The following ZSWIM5 variants were observed in gnomAD, a reference collection of about 807,000 sequenced individuals.
ZSWIM5 encodes zinc finger SWIM domain-containing protein 5.
Under a neutral mutation model 119.6 loss-of-function variants are expected in ZSWIM5, and 55 were observed. That is an observed-to-expected ratio of 0.46 (90% confidence interval 0.37 to 0.58). The LOEUF is 0.58. Ranked by LOEUF, ZSWIM5 falls within the 20% of genes least tolerant of loss-of-function variation. The probability of loss-of-function intolerance (pLI) is 0.00; values close to 1 mark genes in which losing one functional copy is unlikely to be tolerated. For synonymous variants in ZSWIM5, 537 were observed against 606.9 expected (o/e 0.88, Z 1.69); for missense variants, 1,193 against 1,512.8 (o/e 0.79, Z 3.51).
At chr1:45,134,320 T>G (rs1449718199) in intron 1 of ZSWIM5, among the ~76,000 whole-genome samples, 2 of 152,130 alleles carry the variant, frequency 1.3e-5, no homozygotes, top group East Asian at 3.8e-4. Flanking sequence ...TTAATATAAA[T>G]AAATAACTTT....
chr1:45,031,384 A>T (rs1334100074), intron 11 of ZSWIM5, among the ~76,000 whole-genome samples: 1 of 150,128 alleles, frequency 6.7e-6, no homozygotes, highest in East Asian at 2.0e-4. Flanking sequence ...GAGTTTTAGC[A>T]TGTTAGCCAG....
rs537427666 is a variant in ZSWIM5, at chr1:45,107,925, T to C, written c.596-19688A>G. 2.6e-5 allele frequency among the ~76,000 whole-genome samples: 4 copies of C among 152,298 alleles called. No individual in the cohort carries two copies. In the East Asian group the frequency reaches 7.7e-4, roughly 29 times the overall value. ...GATCCTCCCATCTTAGCCTCCCAAG[T>C]AGCTGGGACCACAGGCATGCATTAC... is the stretch of plus-strand genomic sequence containing the variant. On this transcript the variant is annotated intron_variant, in intron 1 of 13. Transcript: ENST00000359600.
In ZSWIM5 at chr1:45,043,223, C is replaced by A. The variant is rs1484958274; in HGVS notation, c.1605G>T (p.Trp535Cys). ...LLFNSQGQPL[W>C]LEHVPTACAR... ...TTAGAGGAGGGCTAGACTTACCAAG[C>A]CACAGTGGCTGGCCTTGGGAATTAA... The change falls in exon 6 of 14, where the codon TGG (tryptophan) becomes TGT (cysteine). Residue 535 changes from tryptophan to cysteine, a missense_variant. By Grantham distance (215) the Trp-to-Cys change is radical. This residue lies in a region of ZSWIM5 where 961 missense variants were observed against 1,290.0 expected (regional missense o/e 0.74). Transcript: ENST00000359600. 3 of 1,613,326 alleles carry A rather than the reference C, an allele frequency of 1.9e-6. No homozygotes were observed. Among genetic ancestry groups the A allele is most frequent in the Non-Finnish European group, 2.5e-6 (3 of 1,179,882 alleles).
chr1:45,186,593 T>TTTTA (rs57251068), intron 1 of ZSWIM5, among the ~76,000 whole-genome samples: 21,514 of 150,672 alleles, frequency 0.14, 1,597 homozygotes, highest in Non-Finnish European at 0.15. Flanking sequence ...AACAACTTGG[T>TTTTA]TTTATTTATT....
chr1:45,189,969 A>C (rs897989286), intron 1 of ZSWIM5, among the ~76,000 whole-genome samples: 4 of 152,104 alleles, frequency 2.6e-5, no homozygotes, highest in Non-Finnish European at 5.9e-5. Context: ...AAATGAACAA[A>C]CGCAGTGGGC....
chr1:45,116,504 G>A (rs1645559018), intron 1 of ZSWIM5, among the ~76,000 whole-genome samples: 1 of 152,070 alleles, frequency 6.6e-6, no homozygotes, highest in Non-Finnish European at 1.5e-5. Context: ...AGTATAGATA[G>A]CAGACTGTGA....
At position 45,019,684 on chromosome 1, in the gene ZSWIM5, G is replaced by C. The variant is rs1417810562; in HGVS notation, c.2696-368C>G. ...GTAGAGTCTTGTGCTGGGGCTTTGG[G>C]CTTTAGAAAGGGTCCTGAGCCTCTA... On this transcript the variant is annotated intron_variant, in intron 13 of 13. Transcript: ENST00000359600. This position sits in a 1 kb window ranked among gnomAD's most constrained non-coding sequence, Gnocchi z 5.0. Among the ~76,000 whole-genome samples the C allele has an allele frequency of 6.6e-6, 1 of 152,180 alleles. No homozygotes were observed. Among genetic ancestry groups the C allele is most frequent in the East Asian group, 1.9e-4 (1 of 5,192 alleles).
intron 2 of ZSWIM5, among the ~76,000 whole-genome samples, chr1:45,081,482 C>T (rs1422627990): frequency 2.6e-5 from 4 of 152,236 alleles, no homozygotes; most frequent in Non-Finnish European, 2.9e-5. Context: ...GACTGGTTTT[C>T]GTATTTTTTT....
chr1:45,182,888 C>T (rs1217198713), intron 1 of ZSWIM5, among the ~76,000 whole-genome samples: 1 of 151,828 alleles, frequency 6.6e-6, no homozygotes, highest in East Asian at 1.9e-4. Context: ...CAGCTCTGCA[C>T]CAAGCAGACC....
intron 1 of ZSWIM5, among the ~76,000 whole-genome samples, chr1:45,107,863 C>T (rs1645491606): frequency 6.6e-6 from 1 of 152,084 alleles, no homozygotes; most frequent in East Asian, 1.9e-4. Context: ...ACAATCACAG[C>T]TTACTGCAGC....
intron 1 of ZSWIM5, among the ~76,000 whole-genome samples, chr1:45,099,113 G>GGA (rs895126157): frequency 1.3e-5 from 2 of 152,078 alleles, no homozygotes; most frequent in Admixed American, 6.5e-5. Context: ...TCCAGCAGCT[G>GGA]GTTTTTTGAA....
At chr1:45,044,520 G>A (rs113199135) in intron 5 of ZSWIM5, among the ~76,000 whole-genome samples, 15 of 149,164 alleles carry the variant, frequency 1.0e-4, no homozygotes, top group African/African-American at 3.7e-4. Context: ...TCAGGAGATC[G>A]AGACCATCCT....
At chr1:45,105,676 C>A (rs1397134271) in intron 1 of ZSWIM5, among the ~76,000 whole-genome samples, 1 of 147,482 alleles carries the variant, frequency 6.8e-6, no homozygotes, top group African/African-American at 2.5e-5. Flanking sequence ...CCCAGCTGCC[C>A]CGAATGGGAA....
At chr1:45,030,514 T>G (rs755599387) in intron 11 of ZSWIM5, among the ~76,000 whole-genome samples, 131 of 152,382 alleles carry the variant, frequency 8.6e-4, no homozygotes, top group Non-Finnish European at 7.1e-4. Flanking sequence ...CCCAAAGTGC[T>G]GGGATTACAG....
At chr1:45,147,618 T>TAAAAAAAAA in intron 1 of ZSWIM5, among the ~76,000 whole-genome samples, 1 of 149,656 alleles carries the variant, frequency 6.7e-6, no homozygotes, top group Non-Finnish European at 1.5e-5. Context: ...AGAAACCAGT[T>TAAAAAAAAA]GGACATATAT....
intron 10 of ZSWIM5, among the ~76,000 whole-genome samples, chr1:45,035,077 C>T (rs1644974832): frequency 1.3e-5 from 2 of 152,134 alleles, no homozygotes; most frequent in Admixed American, 6.5e-5. Flanking sequence ...CTTGAGCCAC[C>T]GTACCCAGCC....
rs569308355 is a variant in ZSWIM5 at position 45,017,085 on chromosome 1, T to G, written c.*1369A>C. The G allele has an allele frequency of 5.3e-5, 8 of 152,306 alleles. No homozygotes were observed. Among genetic ancestry groups the G allele is most frequent in the African/African-American group, 1.9e-4 (8 of 41,538 alleles). The allele number at this position is 152,306 out of a possible 1,614,324, so 9.4% of individuals were successfully genotyped here. ...AGCCAATCTGATGGCAGAGGGAGAT[T>G]GGTGCTTAGAAGCTTGTTTGGTGAG... On this transcript the variant is annotated 3_prime_UTR_variant, in exon 14 of 14. Coordinates refer to ENST00000359600, the MANE Select transcript of ZSWIM5 (RefSeq NM_020883.2).
chr1:45,088,061 T>G lies in ZSWIM5; in HGVS notation c.772A>C (p.Lys258Gln), dbSNP rs1405043026. The G allele has an allele frequency of 6.2e-7, 1 of 1,614,212 alleles. No individual in the cohort carries two copies. The highest frequency in any genetic ancestry group is 1.7e-5 in the Admixed American group (1 of 60,032). ...VVALSLYRIR[K>Q]PDQVKLRLPI... is the part of the protein sequence containing the mutation. ...AGACGCAATTTGACTTGGTCTGGTT[T>G]ACGGATCCTGTAGAGTGAGAGTGCT... is the stretch of plus-strand genomic sequence containing the variant. The change falls in exon 2 of 14, where the codon AAA (lysine) becomes CAA (glutamine). Residue 258 changes from lysine (K) to glutamine (Q), a missense_variant. Lys to Gln is a moderately conservative substitution (Grantham distance 53). Coordinates refer to ENST00000359600, the MANE Select transcript of ZSWIM5 (RefSeq NM_020883.2). The surrounding 1 kb of genome is among the most constrained non-coding windows in gnomAD (Gnocchi z 4.2).
At chr1:45,045,437 C>G (rs1306509303) in intron 5 of ZSWIM5, among the ~76,000 whole-genome samples, 3 of 152,152 alleles carry the variant, frequency 2.0e-5, no homozygotes, top group African/African-American at 4.8e-5. Context: ...TTAACATATT[C>G]AACCATTCGG....
Sources: gnomAD v4.1 joint callset for allele counts (sites outside exome capture counted in the v4.1 genomes callset) on GRCh38, gnomAD v4.1.1 for gene constraint, gnomAD v4.1.1 regional missense constraint, Gnocchi (gnomAD v3.1) non-coding constraint, MANE v1.5 for transcripts, NCBI Gene and HGNC (gene_info 2026-07-23, HGNC 2026-07-21) for gene names.